The following TMEM106B variants were observed in gnomAD, a reference collection of about 807,000 sequenced individuals.
The protein encoded by TMEM106B is transmembrane protein 106B.
TMEM106B carries 15 observed loss-of-function variants against 31.1 expected under a neutral mutation model. That is an observed-to-expected ratio of 0.48 (90% CI 0.32 to 0.74). The LOEUF (loss-of-function observed/expected upper bound fraction) is 0.74, where lower values mean the gene tolerates loss of function less well. Among genes scored for constraint, TMEM106B ranks in the 30% least tolerant of loss-of-function variants. TMEM106B has a pLI of 0.03. For synonymous variants in TMEM106B, 126 were observed against 112.5 expected (o/e 1.12, Z -0.76); for missense variants, 283 against 327.3 (o/e 0.86, Z 1.04).
intron 1 of TMEM106B, 95 bp from the exon 2 acceptor site, chr7:12,214,714 T>C: frequency 9.3e-7 from 1 of 1,073,114 alleles, no homozygotes; most frequent in Non-Finnish European, 1.3e-6. Flanking sequence ...GACTGTTCCT[T>C]GACTGTTCTA....
chr7:12,237,816 T>TACACACACACACACAC lies in TMEM106B; in HGVS notation c.*5866_*5881dup, dbSNP rs71027485. On this transcript the variant is annotated 3_prime_UTR_variant, in exon 8 of 8. Coordinates refer to ENST00000396668, the MANE Select transcript of TMEM106B (RefSeq NM_001134232.2). ...CGAGACCCCATATAAAATATATACA[T>TACACACACACACACAC]ACACACACACACACACACACACACA... The TACACACACACACACAC allele has an allele frequency of 1.7e-4, 21 of 124,838 alleles. No homozygotes were observed. Among genetic ancestry groups the TACACACACACACACAC allele is most frequent in the African/African-American group, 5.7e-4 (19 of 33,162 alleles). The allele number at this position is 124,838 out of a possible 1,614,324, so 7.7% of individuals were successfully genotyped here.
chr7:12,227,398 CCATATA>C, intron 4 of TMEM106B, among the ~76,000 whole-genome samples: 1 of 152,092 alleles, frequency 6.6e-6, no homozygotes, highest in South Asian at 2.1e-4. Flanking sequence ...CGAACTATTA[CCATATA>C]CATATATTTA....
At chr7:12,214,762 G>A (rs1333026199) in intron 1 of TMEM106B, 47 bp from the exon 2 acceptor site, 18 of 1,420,916 alleles carry the variant, frequency 1.3e-5, no homozygotes, top group Non-Finnish European at 1.6e-5. Flanking sequence ...GTTCTTGAAT[G>A]TACTTTTTTC....
chr7:12,226,207 C>T (rs2128526447), intron 4 of TMEM106B, among the ~76,000 whole-genome samples: 1 of 152,194 alleles, frequency 6.6e-6, no homozygotes, highest in East Asian at 1.9e-4. Flanking sequence ...TTTCTGAGGG[C>T]TGTGTTCTGT....
In TMEM106B at chr7:12,238,586, C is replaced by G. The variant is rs1032497074; in HGVS notation, c.*6611C>G. ...ACTACCTATGACAGCTATGGTCTTA[C>G]AAAATGTATTTCTTATATAGTAAGA... is the stretch of plus-strand genomic sequence containing the variant. On this transcript the variant is annotated 3_prime_UTR_variant, in exon 8 of 8. Coordinates refer to ENST00000396668, the MANE Select transcript of TMEM106B (RefSeq NM_001134232.2). 6.6e-6 allele frequency: 1 copy of G among 152,146 alleles called. No homozygotes were observed. The highest frequency in any genetic ancestry group is 1.5e-5 in the Non-Finnish European group (1 of 68,034). The allele number at this position is 152,146 out of a possible 1,614,324, so 9.4% of individuals were successfully genotyped here.
rs1782154091 is a variant in TMEM106B at position 12,237,161 on chromosome 7, T to G, written c.*5186T>G. ...AAATAGAAATGCCCCCAAAATGCTA[T>G]TTTTTTAATTCAGTTATAACTGTTA... On this transcript the variant is annotated 3_prime_UTR_variant, in exon 8 of 8. Transcript: ENST00000396668. 6.6e-6 allele frequency: 1 copy of G among 152,018 alleles called. No individual in the cohort carries two copies. The highest frequency in any genetic ancestry group is 2.1e-4 in the South Asian group (1 of 4,820). The allele number at this position is 152,018 out of a possible 1,614,324, so 9.4% of individuals were successfully genotyped here.
chr7:12,224,570 CT>C (rs1264569961), intron 4 of TMEM106B, among the ~76,000 whole-genome samples, 185 bp downstream of exon 4: 2 of 152,070 alleles, frequency 1.3e-5, no homozygotes, highest in African/African-American at 4.8e-5. Flanking sequence ...ATAATAAATA[CT>C]GGCAATTCTG....
At position 12,233,931 on chromosome 7, in the gene TMEM106B, C is replaced by G. The variant is rs1562711186; in HGVS notation, c.*1956C>G. 1 of 151,632 alleles carries G rather than the reference C, an allele frequency of 6.6e-6. No homozygotes were observed. Among genetic ancestry groups the G allele is most frequent in the African/African-American group, 2.4e-5 (1 of 41,382 alleles). 9.4% of individuals were successfully genotyped at this position (151,632 alleles called of 1,614,324 possible). A position where few individuals can be genotyped will look rare whatever the true frequency, so the allele number is the denominator to read the frequency against. On this transcript the variant is annotated 3_prime_UTR_variant, in exon 8 of 8. Transcript: ENST00000396668. The stretch of plus-strand genomic sequence containing the variant: ...ATGTGACCAGTCACCTGTCTGCTTT[C>G]ACATTTAGCTAGTGAACTACACATT...
intron 4 of TMEM106B, 92 bp downstream of exon 4, chr7:12,224,477 A>C (rs1781859810): frequency 9.7e-7 from 1 of 1,026,018 alleles, no homozygotes; most frequent in Non-Finnish European, 1.4e-6. Flanking sequence ...ATGTTTGTTA[A>C]ATGTGACACT....
rs998783924 is a variant in TMEM106B at position 12,241,099 on chromosome 7, A to T, written c.*9124A>T. ...TGTTTTGTCTTCAAAGGGAATCCTT[A>T]AAAATGATATATTGGAAACCACTGA... is the stretch of plus-strand genomic sequence containing the variant. On this transcript the variant is annotated 3_prime_UTR_variant, in exon 8 of 8. Coordinates refer to ENST00000396668, the MANE Select transcript of TMEM106B (RefSeq NM_001134232.2). 2 of 152,214 alleles carry T rather than the reference A, an allele frequency of 1.3e-5. No homozygotes were observed. The highest frequency in any genetic ancestry group is 4.8e-5 in the African/African-American group (2 of 41,450). 9.4% of individuals were successfully genotyped at this position (152,214 alleles called of 1,614,324 possible). A position where few individuals can be genotyped will look rare whatever the true frequency, so the allele number is the denominator to read the frequency against.
In TMEM106B at chr7:12,234,598, G is replaced by A. The variant is rs1222025399; in HGVS notation, c.*2623G>A. 4 of 151,714 alleles carry A rather than the reference G, an allele frequency of 2.6e-5. No individual in the cohort carries two copies. The highest frequency in any genetic ancestry group is 4.4e-5 in the Non-Finnish European group (3 of 67,742). The allele number at this position is 151,714 out of a possible 1,614,324, so 9.4% of individuals were successfully genotyped here. ...ATGTCCAGTGTGCTTTTTTCCATGG[G>A]AATAGGATAGGTATTAATACGCTTT... On this transcript the variant is annotated 3_prime_UTR_variant, in exon 8 of 8. Transcript: ENST00000396668.
rs1781652583 is a variant in TMEM106B, at chr7:12,214,736, G to A, written c.-2-73G>A. The A allele has an allele frequency of 4.2e-6, 5 of 1,198,612 alleles. No homozygotes were observed. In the Admixed American group the frequency reaches 1.2e-4, roughly 29 times the overall value. 74.2% of individuals were successfully genotyped at this position (1,198,612 alleles called of 1,614,324 possible). Reference sequence around the variant, plus strand: ...CCTTGACTGTTCTAAATTAATTAGTGTAAATATCTCAGAGTGTTCTTGAAT... The same window carrying A: ...CCTTGACTGTTCTAAATTAATTAGTATAAATATCTCAGAGTGTTCTTGAAT... On this transcript the variant is annotated intron_variant, in intron 1 of 7. Coordinates refer to ENST00000396668, the MANE Select transcript of TMEM106B (RefSeq NM_001134232.2).
Position 12,229,679 on chromosome 7 carries a change from A to C in TMEM106B, c.442A>C (p.Asn148His). 1 of 1,560,940 alleles carries C rather than the reference A, an allele frequency of 6.4e-7. No homozygotes were observed. The highest frequency in any genetic ancestry group is 8.6e-7 in the Non-Finnish European group (1 of 1,158,020). ...QKRTIYLNIT[N>H]TLNITNNNYY... The stretch of plus-strand genomic sequence containing the variant: ...AATTTTCTGTGTCCTTTTTTTGTAG[A>C]ACACACTAAATATAACAAACAATAA... The change falls in exon 5 of 8, where the codon AAC becomes CAC. Residue 148 changes from asparagine to histidine, a missense_variant and splice_region_variant. By Grantham distance (68) the Asn-to-His change is moderately conservative (BLOSUM62 1). This residue lies in a region of TMEM106B where 201 missense variants were observed against 211.5 expected (regional missense o/e 0.95). Coordinates refer to ENST00000396668, the MANE Select transcript of TMEM106B (RefSeq NM_001134232.2).
rs764362119 is a variant in TMEM106B at position 12,240,342 on chromosome 7, CTTTTTCTGAATGT to C, written c.*8383_*8395del. On this transcript the variant is annotated 3_prime_UTR_variant, in exon 8 of 8. Transcript: ENST00000396668. The stretch of plus-strand genomic sequence containing the variant: ...TAAACTTACTCAAACACTTGGTGAA[CTTTTTCTGAATGT>C]TTTTTCTGAATGTTTACTTTTAAAG... 2.6e-5 allele frequency: 4 copies of C among 152,142 alleles called. No individual in the cohort carries two copies. Among genetic ancestry groups the C allele is most frequent in the Admixed American group, 2.0e-4 (3 of 15,258 alleles). 9.4% of individuals were successfully genotyped at this position (152,142 alleles called of 1,614,324 possible).
At chr7:12,224,626 A>T (rs1420040388) in intron 4 of TMEM106B, among the ~76,000 whole-genome samples, 2 of 111,582 alleles carry the variant, frequency 1.8e-5, no homozygotes, top group Admixed American at 9.4e-5. Context: ...TTAGGAGGGT[A>T]AAATAAACTA....
In TMEM106B at chr7:12,236,945, C is replaced by T. The variant is rs1434660534; in HGVS notation, c.*4970C>T. 6.6e-6 allele frequency: 1 copy of T among 151,860 alleles called. No individual in the cohort carries two copies. Among genetic ancestry groups the T allele is most frequent in the African/African-American group, 2.4e-5 (1 of 41,364 alleles). 9.4% of individuals were successfully genotyped at this position (151,860 alleles called of 1,614,324 possible). On this transcript the variant is annotated 3_prime_UTR_variant, in exon 8 of 8. Transcript: ENST00000396668. ...GTCAGATATTTGAATGATGGTATTA[C>T]CTAGATTCTAATCCTTGATTCTAGT...
Position 12,234,991 on chromosome 7 carries a change from T to G in TMEM106B, c.*3016T>G, listed in dbSNP as rs920588490. 3 of 151,954 alleles carry G rather than the reference T, an allele frequency of 2.0e-5. No individual in the cohort carries two copies. The highest frequency in any genetic ancestry group is 7.2e-5 in the African/African-American group (3 of 41,412). 9.4% of individuals were successfully genotyped at this position (151,954 alleles called of 1,614,324 possible). On this transcript the variant is annotated 3_prime_UTR_variant, in exon 8 of 8. Coordinates refer to ENST00000396668, the MANE Select transcript of TMEM106B (RefSeq NM_001134232.2). Reference sequence around the variant, plus strand: ...CTCTGTCTCCCATATCTGTGTTCTATCATTTAAAATATATATTGGAAATCC... The same window carrying G: ...CTCTGTCTCCCATATCTGTGTTCTAGCATTTAAAATATATATTGGAAATCC...
At position 12,240,093 on chromosome 7, in the gene TMEM106B, C is replaced by A. The variant is rs1018556953; in HGVS notation, c.*8118C>A. ...AAGTTCTTACTCTGGTGTTGAGAACCTTTCATTAGCTGGCTACAATCTCAG... is the reference window on the plus strand; with the variant it reads ...AAGTTCTTACTCTGGTGTTGAGAACATTTCATTAGCTGGCTACAATCTCAG... On this transcript the variant is annotated 3_prime_UTR_variant, in exon 8 of 8. Coordinates refer to ENST00000396668, the MANE Select transcript of TMEM106B (RefSeq NM_001134232.2). 6.6e-6 allele frequency: 1 copy of A among 152,106 alleles called. No homozygotes were observed. Among genetic ancestry groups the A allele is most frequent in the Non-Finnish European group, 1.5e-5 (1 of 68,012 alleles). 9.4% of individuals were successfully genotyped at this position (152,106 alleles called of 1,614,324 possible). A position where few individuals can be genotyped will look rare whatever the true frequency, so the allele number is the denominator to read the frequency against.
At chr7:12,231,490 T>G (rs768519118) in intron 7 of TMEM106B, 13 of 249,612 alleles carry the variant, frequency 5.2e-5, no homozygotes, top group Non-Finnish European at 9.1e-5. Flanking sequence ...TGATTATAGG[T>G]TTGGTGTTTT....
Sources: allele counts gnomAD v4.1 joint callset (sites outside exome capture counted in the v4.1 genomes callset), GRCh38; gene constraint gnomAD v4.1.1; regional missense constraint gnomAD v4.1.1; transcripts MANE v1.5; gene names NCBI Gene and HGNC (gene_info 2026-07-23, HGNC 2026-07-21).